Variants in PDK1 observed in about 807,000 individuals in gnomAD.
PDK1 encodes [Pyruvate dehydrogenase (acetyl-transferring)] kinase isozyme 1, mitochondrial.
PDK1 carries 39 observed loss-of-function variants against 54.2 expected under a neutral mutation model. The ratio of observed to expected loss-of-function variants is 0.72; its 90% confidence interval spans 0.56 to 0.94. PDK1 has a LOEUF of 0.94. Ranked by LOEUF, PDK1 falls within the 40% of genes least tolerant of loss-of-function variation. The probability of loss-of-function intolerance (pLI) is 0.00; values close to 1 mark genes in which losing one functional copy is unlikely to be tolerated. For synonymous variants in PDK1, 221 were observed against 207.1 expected, an observed-to-expected ratio of 1.07 and a Z score of -0.58; for missense variants, 552 against 566.0, an observed-to-expected ratio of 0.98 and a Z score of 0.25.
chr2:172,622,135 A>G, the PDK1 span, among the ~76,000 whole-genome samples: 1 of 135,882 alleles, frequency 7.4e-6, no homozygotes, highest in African/African-American at 2.8e-5. Context: ...ATCTCATATT[A>G]TGTGAGATAT....
the PDK1 span, among the ~76,000 whole-genome samples, chr2:172,698,999 A>T: frequency 3.9e-5 from 6 of 152,316 alleles, no homozygotes; most frequent in South Asian, 1.2e-3. Context: ...AATCTCCCCT[A>T]TACGTTTGGT....
chr2:172,564,366 A>C (rs1341169269), intron 3 of PDK1, 137 bp from the exon 4 acceptor site: 28 of 628,230 alleles, frequency 4.5e-5, no homozygotes, highest in Non-Finnish European at 5.7e-5. Context: ...CATTTAAATA[A>C]GTATAGGAAA....
rs62169268 is a variant in PDK1 at position 172,586,618 on chromosome 2, C to G, written c.1056+230C>G. On this transcript the variant is annotated intron_variant, in intron 9 of 10. Transcript: ENST00000282077. ...TGGAGTTCTTGTTACAAAGTTTGAT[C>G]GTGATATAGCAGTAGTTTTCCTGTG... 0.098 allele frequency among the ~76,000 whole-genome samples: 14,857 copies of G among 151,776 alleles called. 1,000 individuals carry two copies. Among genetic ancestry groups the G allele is most frequent in the Non-Finnish European group, 0.14 (9,846 of 67,948 alleles).
chr2:172,647,317 G>A, the PDK1 span, among the ~76,000 whole-genome samples: 7 of 152,150 alleles, frequency 4.6e-5, no homozygotes, highest in Non-Finnish European at 7.3e-5. Context: ...GACCCTTGTG[G>A]TGATCACTCT....
chr2:172,614,923 C>A, the PDK1 span, among the ~76,000 whole-genome samples: 1 of 152,168 alleles, frequency 6.6e-6, no homozygotes, highest in African/African-American at 2.4e-5. Context: ...TGTATTAATT[C>A]TTCATAAATT....
intron 7 of PDK1, among the ~76,000 whole-genome samples, 153 bp downstream of exon 7, chr2:172,568,970 C>A (rs2149224424): frequency 6.6e-6 from 1 of 152,318 alleles, no homozygotes; most frequent in East Asian, 1.9e-4. Flanking sequence ...TTTTTATCAA[C>A]ACAGGGAGAC....
At chr2:172,592,336 G>C (rs1009632668) in intron 9 of PDK1, among the ~76,000 whole-genome samples, 1 of 151,880 alleles carries the variant, frequency 6.6e-6, no homozygotes, top group African/African-American at 2.4e-5. Flanking sequence ...CTCTCTTTCT[G>C]ACTCCTCTTT....
At chr2:172,568,391 G>GAATTT (rs1689075690) in intron 6 of PDK1, among the ~76,000 whole-genome samples, 1 of 150,892 alleles carries the variant, frequency 6.6e-6, no homozygotes, top group Non-Finnish European at 1.5e-5. Context: ...TTGGACTGTG[G>GAATTT]AATTTAAAGA....
the PDK1 span, among the ~76,000 whole-genome samples, chr2:172,631,215 A>T: frequency 1.3e-5 from 2 of 152,140 alleles, no homozygotes; most frequent in Non-Finnish European, 2.9e-5. Context: ...GTCTATTTTG[A>T]GTTTTCTATT....
At position 172,602,211 on chromosome 2, in the gene PDK1, T is replaced by C. The variant is rs186191851; in HGVS notation, c.*6242T>C. 1 of 152,350 alleles carries C rather than the reference T, an allele frequency of 6.6e-6. No individual in the cohort carries two copies. The highest frequency in any genetic ancestry group is 6.5e-5 in the Admixed American group (1 of 15,310). The allele number at this position is 152,350 out of a possible 1,614,324, so 9.4% of individuals were successfully genotyped here. On this transcript the variant is annotated 3_prime_UTR_variant, in exon 11 of 11. Transcript: ENST00000282077. ...GTGAAATATTAATAGACCAATCTTG[T>C]TTATGAACATAGATGGAAAAATTGC...
rs534680064 is a variant in PDK1 at position 172,590,361 on chromosome 2, G to C, written c.1057-2574G>C. Among the ~76,000 whole-genome samples, 6 of 152,236 alleles carry C rather than the reference G, an allele frequency of 3.9e-5. No homozygotes were observed. The South Asian group carries it at 1.2e-3, about 32-fold the overall frequency. On this transcript the variant is annotated intron_variant, in intron 9 of 10. Transcript: ENST00000282077. ...GAAGCTGCGGACCCTCATGGTGAGT[G>C]TTACAGTTTTTAAAGATGGTGTGTC... is the stretch of plus-strand genomic sequence containing the variant.
At chr2:172,572,258 C>T (rs1323508001) in intron 8 of PDK1, among the ~76,000 whole-genome samples, 1 of 152,170 alleles carries the variant, frequency 6.6e-6, no homozygotes, top group East Asian at 1.9e-4. Context: ...ATACTATTAT[C>T]CCAATATTTA....
chr2:172,653,993 A>C, the PDK1 span, among the ~76,000 whole-genome samples: 551 of 152,378 alleles, frequency 3.6e-3, 2 homozygotes, highest in Middle Eastern at 6.8e-3. Flanking sequence ...AAAAGAAAAC[A>C]TTTATGCAGC....
the PDK1 span, among the ~76,000 whole-genome samples, chr2:172,692,827 T>C: frequency 2.6e-5 from 4 of 152,214 alleles, no homozygotes; most frequent in Non-Finnish European, 5.9e-5. Context: ...CACCTATGGT[T>C]GCACACTTGG....
At position 172,592,948 on chromosome 2, in the gene PDK1, A is replaced by G; in HGVS notation, c.1070A>G (p.Tyr357Cys). The change falls in exon 10 of 11, where the codon TAT (tyrosine) becomes TGT (cysteine). Residue 357 changes from tyrosine to cysteine, a missense_variant. By Grantham distance (194) the Tyr-to-Cys change is radical. Coordinates refer to ENST00000282077, the MANE Select transcript of PDK1 (RefSeq NM_002610.5). Reference protein sequence around the residue: ...SRAVPLAGFGYGLPISRLYAQ... With the variant: ...SRAVPLAGFGCGLPISRLYAQ... ...CTCATCAAACAGGCTGGTTTTGGTT[A>G]TGGATTGCCCATATCACGTCTTTAC... is the stretch of plus-strand genomic sequence containing the variant. 1 of 1,608,412 alleles carries G rather than the reference A, an allele frequency of 6.2e-7. No individual in the cohort carries two copies. Among genetic ancestry groups the G allele is most frequent in the Non-Finnish European group, 8.5e-7 (1 of 1,175,364 alleles).
rs528982036 is a variant in PDK1, at chr2:172,575,950, C to T, written c.945+5126C>T. On this transcript the variant is annotated intron_variant, in intron 8 of 10. Coordinates refer to ENST00000282077, the MANE Select transcript of PDK1 (RefSeq NM_002610.5). ...GTGTTTTTTTGTTTGTTTTTTGAGA[C>T]AGAGTCTTGCTCTGTCGCCCAGGCT... 8.0e-4 allele frequency among the ~76,000 whole-genome samples: 122 copies of T among 152,176 alleles called. 1 individual carries two copies. The highest frequency in any genetic ancestry group is 2.7e-3 in the African/African-American group (114 of 41,502).
the PDK1 span, among the ~76,000 whole-genome samples, chr2:172,704,852 CT>C: frequency 6.6e-6 from 1 of 152,320 alleles, no homozygotes; most frequent in South Asian, 2.1e-4. Flanking sequence ...GTTCTAGAAA[CT>C]TTTCCCCGTA....
chr2:172,610,006 G>C (rs1253209370), downstream of PDK1, among the ~76,000 whole-genome samples: 1 of 152,100 alleles, frequency 6.6e-6, no homozygotes, highest in Non-Finnish European at 1.5e-5. Flanking sequence ...ATTTTTAGTA[G>C]AGACAGGGTT....
rs1420157104 is a variant in PDK1, at chr2:172,607,123, C to G, written c.*11154C>G. The G allele has an allele frequency of 6.6e-6, 1 of 152,062 alleles. No individual in the cohort carries two copies. Among genetic ancestry groups the G allele is most frequent in the Non-Finnish European group, 1.5e-5 (1 of 68,022 alleles). The allele number at this position is 152,062 out of a possible 1,614,324, so 9.4% of individuals were successfully genotyped here. On this transcript the variant is annotated 3_prime_UTR_variant, in exon 11 of 11. Coordinates refer to ENST00000282077, the MANE Select transcript of PDK1 (RefSeq NM_002610.5). ...CATCAACATGCTTACATTTTGAGTC[C>G]AAAATTAAAATCCAAAATAGCCAAG...
Sources: allele counts gnomAD v4.1 joint callset (sites outside exome capture counted in the v4.1 genomes callset), GRCh38; gene constraint gnomAD v4.1.1; transcripts MANE v1.5; gene names NCBI Gene and HGNC (gene_info 2026-07-23, HGNC 2026-07-21).